Variants in CCDC102B observed in about 807,000 individuals in gnomAD.
CCDC102B encodes the protein coiled-coil domain containing 102B.
In CCDC102B, 75 loss-of-function variants were observed where a neutral mutation model predicts 57.4. The ratio of observed to expected loss-of-function variants is 1.31; its 90% CI spans 1.08 to 1.58. The LOEUF (loss-of-function observed/expected upper bound fraction) is 1.58. Among genes scored for constraint, CCDC102B ranks in the 40% most tolerant of loss-of-function variants. The pLI is 0.00. For synonymous variants in CCDC102B, 206 were observed against 201.9 expected (o/e 1.02, Z -0.17); for missense variants, 636 against 582.6 (o/e 1.09, Z -0.94).
At chr18:68,751,677 G>C (rs2033856306) in intron 2 of CCDC102B, among the ~76,000 whole-genome samples, 1 of 152,118 alleles carries the variant, frequency 6.6e-6, no homozygotes, top group African/African-American at 2.4e-5. Context: ...TTAATTTGGA[G>C]ATTATAAATA....
At chr18:68,722,383 C>T (rs2032380447) in intron 2 of CCDC102B, among the ~76,000 whole-genome samples, 2 of 152,102 alleles carry the variant, frequency 1.3e-5, no homozygotes, top group East Asian at 3.9e-4. Flanking sequence ...AATGAAATGA[C>T]CTCCATCTGG....
At chr18:68,985,116 G>A (rs568556206) in intron 6 of CCDC102B, among the ~76,000 whole-genome samples, 2 of 152,196 alleles carry the variant, frequency 1.3e-5, no homozygotes, top group Admixed American at 1.3e-4. Context: ...CTCACATCTT[G>A]TTCACAAAGC....
At chr18:68,842,215 T>G (rs765483612) in intron 3 of CCDC102B, among the ~76,000 whole-genome samples, 3 of 145,822 alleles carry the variant, frequency 2.1e-5, no homozygotes, top group Non-Finnish European at 4.5e-5. Context: ...ACTTTACATA[T>G]TTAAGAAATT....
intron 6 of CCDC102B, among the ~76,000 whole-genome samples, chr18:68,949,517 A>G (rs1281011958): frequency 7.9e-5 from 12 of 152,126 alleles, no homozygotes; most frequent in African/African-American, 2.9e-4. Flanking sequence ...GGTATAATGT[A>G]TATTTCATAG....
At chr18:68,985,490 A>G (rs1350656643) in intron 6 of CCDC102B, among the ~76,000 whole-genome samples, 1 of 152,168 alleles carries the variant, frequency 6.6e-6, no homozygotes, top group Non-Finnish European at 1.5e-5. Context: ...CTGAGAAGCT[A>G]TGTAAACTGC....
At chr18:68,764,761 T>C (rs1356994876) in intron 2 of CCDC102B, among the ~76,000 whole-genome samples, 1 of 152,046 alleles carries the variant, frequency 6.6e-6, no homozygotes, top group Non-Finnish European at 1.5e-5. Flanking sequence ...TAGCCTAGAA[T>C]TTATTTGGCA....
At chr18:68,757,876 A>T (rs570714976) in intron 2 of CCDC102B, among the ~76,000 whole-genome samples, 3 of 152,260 alleles carry the variant, frequency 2.0e-5, no homozygotes, top group South Asian at 2.1e-4. Context: ...TGCCTGGCCA[A>T]TTGGAAGCTC....
intron 7 of CCDC102B, among the ~76,000 whole-genome samples, chr18:69,039,708 TTA>T (rs1285770706): frequency 6.6e-6 from 1 of 151,934 alleles, no homozygotes; most frequent in African/African-American, 2.4e-5. Flanking sequence ...TTAATGAAAT[TTA>T]GTTATGCAAT....
chr18:68,812,395 C>G (rs2036300790), intron 1 of CCDC102B, among the ~76,000 whole-genome samples: 1 of 151,986 alleles, frequency 6.6e-6, no homozygotes, highest in Non-Finnish European at 1.5e-5. Context: ...ATTCCTGGAC[C>G]ATGGTAATCA....
At chr18:68,826,660 A>G (rs567934833) in intron 1 of CCDC102B, among the ~76,000 whole-genome samples, 81 of 152,258 alleles carry the variant, frequency 5.3e-4, no homozygotes, top group Non-Finnish European at 2.9e-4. Context: ...TTAAAAAACG[A>G]TATACAAACA....
intron 6 of CCDC102B, among the ~76,000 whole-genome samples, chr18:68,968,594 A>G (rs2050220155): frequency 6.6e-6 from 1 of 152,168 alleles, no homozygotes; most frequent in African/African-American, 2.4e-5. Context: ...TTGCCCTCTT[A>G]ACAAGTTTTT....
chr18:68,750,041 G>A (rs2033785834), intron 2 of CCDC102B, among the ~76,000 whole-genome samples: 1 of 151,900 alleles, frequency 6.6e-6, no homozygotes, highest in Admixed American at 6.6e-5. Flanking sequence ...TCTGACAAAG[G>A]GCTAATATCC....
intron 4 of CCDC102B, among the ~76,000 whole-genome samples, chr18:68,851,187 C>G (rs2038107474): frequency 6.6e-6 from 1 of 152,168 alleles, no homozygotes; most frequent in Admixed American, 6.5e-5. Context: ...CCTTTCTAAA[C>G]AGAGGCTATG....
chr18:68,916,081 T>G (rs1283811301), intron 6 of CCDC102B, among the ~76,000 whole-genome samples: 2 of 152,214 alleles, frequency 1.3e-5, no homozygotes, highest in African/African-American at 4.8e-5. Context: ...CCTTCCTTTG[T>G]TTATTCATGT....
At chr18:68,808,494 G>A in intron 1 of CCDC102B, among the ~76,000 whole-genome samples, 1 of 11,746 alleles carries the variant, frequency 8.5e-5, no homozygotes, top group South Asian at 1.9e-3. Flanking sequence ...TTTTTTTTTT[G>A]TGAGACAGAG....
At chr18:68,949,540 C>T (rs2049636015) in intron 6 of CCDC102B, among the ~76,000 whole-genome samples, 1 of 152,028 alleles carries the variant, frequency 6.6e-6, no homozygotes, top group African/African-American at 2.4e-5. Flanking sequence ...GAAACCATCC[C>T]TCAGGTGAAT....
upstream of CCDC102B, among the ~76,000 whole-genome samples, chr18:68,794,876 A>G (rs147727347): frequency 1.1e-3 from 169 of 152,160 alleles, no homozygotes; most frequent in African/African-American, 4.0e-3. Context: ...GGCAATAAGG[A>G]TGAAGTAGGA....
intron 6 of CCDC102B, among the ~76,000 whole-genome samples, chr18:69,009,292 C>A (rs1274954017): frequency 5.9e-5 from 9 of 152,010 alleles, no homozygotes. Context: ...ATAATGCAGA[C>A]AGATCTAGGC....
At chr18:68,943,276 C>G (rs878894486) in intron 6 of CCDC102B, among the ~76,000 whole-genome samples, 2 of 152,108 alleles carry the variant, frequency 1.3e-5, no homozygotes, top group African/African-American at 4.8e-5. Flanking sequence ...TGTTCTTACT[C>G]ATTTCAAACT....
Sources: gnomAD v4.1 joint callset for allele counts (sites outside exome capture counted in the v4.1 genomes callset) on GRCh38, gnomAD v4.1.1 for gene constraint, MANE v1.5 for transcripts, NCBI Gene and HGNC (gene_info 2026-07-23, HGNC 2026-07-21) for gene names.